Variants in DLGAP1 observed in about 807,000 individuals in gnomAD.
The protein encoded by DLGAP1 is DLG associated protein 1, also known as disks large-associated protein 1.
DLGAP1 carries 11 observed loss-of-function variants against 90.8 expected under a neutral mutation model. That is an observed-to-expected ratio of 0.12 (90% CI 0.08 to 0.20). The LOEUF (loss-of-function observed/expected upper bound fraction) is 0.20, where lower values mean the gene tolerates loss of function less well. Ranked by LOEUF, DLGAP1 falls within the 10% of genes least tolerant of loss-of-function variation. DLGAP1 has a pLI of 1.00. For synonymous variants in DLGAP1, 558 were observed against 540.7 expected, an observed-to-expected ratio of 1.03 and a Z score of -0.44; for missense variants, 1,050 against 1,333.8, an observed-to-expected ratio of 0.79 and a Z score of 3.31.
chr18:3,982,244 AG>A (rs1430280067), intron 3 of DLGAP1, among the ~76,000 whole-genome samples: 11 of 152,172 alleles, frequency 7.2e-5, no homozygotes, highest in Admixed American at 4.6e-4. Flanking sequence ...CTTGCTTTTC[AG>A]GATGCAGGTT....
At chr18:3,647,748 A>G (rs112881793) in intron 7 of DLGAP1, among the ~76,000 whole-genome samples, 27,718 of 151,754 alleles carry the variant, frequency 0.18, 2,643 homozygotes, top group Non-Finnish European at 0.19. Flanking sequence ...TACAGGTGTG[A>G]GCCACCACGC....
intron 5 of DLGAP1, among the ~76,000 whole-genome samples, chr18:3,769,702 T>C (rs893951580): frequency 4.0e-5 from 6 of 151,710 alleles, no homozygotes; most frequent in African/African-American, 1.5e-4. Context: ...AAGAAAGTGG[T>C]GGGGTTGGGA....
chr18:3,504,626 C>G (rs1439840455), intron 11 of DLGAP1, among the ~76,000 whole-genome samples: 2 of 152,090 alleles, frequency 1.3e-5, no homozygotes, highest in African/African-American at 4.8e-5. Flanking sequence ...CCACAAGATC[C>G]TCCTGCCTCG....
rs143158940 is a variant in DLGAP1 at position 3,610,314 on chromosome 18, T to C, written c.1592-28066A>G. On this transcript the variant is annotated intron_variant, in intron 7 of 12. Coordinates refer to ENST00000315677, the MANE Select transcript of DLGAP1 (RefSeq NM_004746.4). ...CAATGAAATAAACAGCTAGGCTTTT[T>C]CTGAGGCCCTCCGCCTATCCAGACC... 6.8e-3 allele frequency among the ~76,000 whole-genome samples: 1,043 copies of C among 152,286 alleles called. 9 individuals carry two copies. Among genetic ancestry groups the C allele is most frequent in the African/African-American group, 0.024 (1,005 of 41,550 alleles).
chr18:3,907,246 T>C (rs1258260648), intron 3 of DLGAP1, among the ~76,000 whole-genome samples: 2 of 152,192 alleles, frequency 1.3e-5, no homozygotes, highest in African/African-American at 2.4e-5. Context: ...CAGTAATATA[T>C]TCTACTCTAT....
At chr18:3,583,412 C>T (rs575729066) in intron 7 of DLGAP1, among the ~76,000 whole-genome samples, 53 of 152,108 alleles carry the variant, frequency 3.5e-4, no homozygotes, top group African/African-American at 1.2e-3. Flanking sequence ...TCCTTCTTCA[C>T]TTCCACCTTG....
intron 11 of DLGAP1, among the ~76,000 whole-genome samples, chr18:3,503,751 A>G (rs909908624): frequency 5.9e-5 from 9 of 152,264 alleles, no homozygotes; most frequent in Admixed American, 3.3e-4. Context: ...TGGATTGGAA[A>G]GACATTTTAA....
intron 5 of DLGAP1, among the ~76,000 whole-genome samples, chr18:3,794,310 A>G (rs2065880010): frequency 6.6e-6 from 1 of 152,248 alleles, no homozygotes; most frequent in South Asian, 2.1e-4. Flanking sequence ...TAGCTAGGAC[A>G]GAACATATAC....
chr18:4,299,052 G>A (rs12961591), intron 1 of DLGAP1, among the ~76,000 whole-genome samples: 1 of 140,876 alleles, frequency 7.1e-6, no homozygotes, highest in Non-Finnish European at 1.5e-5. Flanking sequence ...CTGCAGTCTA[G>A]CCTGGGCGAC....
chr18:4,068,481 G>T (rs2075402062), intron 2 of DLGAP1, among the ~76,000 whole-genome samples: 1 of 151,672 alleles, frequency 6.6e-6, no homozygotes, highest in Admixed American at 6.6e-5. Flanking sequence ...TTCTGATTTT[G>T]TGATATTTAA....
chr18:4,197,076 G>A (rs1372245512), intron 1 of DLGAP1, among the ~76,000 whole-genome samples: 2 of 151,416 alleles, frequency 1.3e-5, no homozygotes, highest in African/African-American at 4.9e-5. Flanking sequence ...GGGAGGCTGA[G>A]GCAGGAGAAT....
intron 4 of DLGAP1, among the ~76,000 whole-genome samples, chr18:3,825,997 C>T (rs1598898118): frequency 6.6e-6 from 1 of 152,236 alleles, no homozygotes; most frequent in East Asian, 1.9e-4. Context: ...CAGCTGGAAG[C>T]CATTATCCTA....
At chr18:3,706,170 G>T (rs1211422398) in intron 7 of DLGAP1, among the ~76,000 whole-genome samples, 1 of 151,328 alleles carries the variant, frequency 6.6e-6, no homozygotes, top group African/African-American at 2.4e-5. Context: ...TTAACTTTTT[G>T]TATTTTTAGT....
Position 3,596,263 on chromosome 18 carries a change from G to A in DLGAP1, c.1592-14015C>T, listed in dbSNP as rs539169119. 6.9e-4 allele frequency among the ~76,000 whole-genome samples: 105 copies of A among 152,058 alleles called. 1 individual carries two copies. Among genetic ancestry groups the A allele is most frequent in the African/African-American group, 2.2e-3 (93 of 41,468 alleles). The stretch of plus-strand genomic sequence containing the variant: ...CAACCTCCGCCTCCCAGGTTCAAAC[G>A]ATTCTCCTGCCTCAGCCTCTCGTGT... On this transcript the variant is annotated intron_variant, in intron 7 of 12. Coordinates refer to ENST00000315677, the MANE Select transcript of DLGAP1 (RefSeq NM_004746.4).
At chr18:4,307,668 C>T (rs1343275037) in intron 1 of DLGAP1, among the ~76,000 whole-genome samples, 3 of 151,670 alleles carry the variant, frequency 2.0e-5, no homozygotes, top group Admixed American at 1.3e-4. Flanking sequence ...CACTCTGCCC[C>T]GCCAGCACTC....
chr18:3,996,728 TGAGA>T (rs536665755), intron 3 of DLGAP1, among the ~76,000 whole-genome samples: 4 of 152,124 alleles, frequency 2.6e-5, no homozygotes, highest in East Asian at 1.9e-4. Flanking sequence ...CTGAATAAAC[TGAGA>T]GAATCAAGTT....
intron 10 of DLGAP1, among the ~76,000 whole-genome samples, chr18:3,512,279 A>G (rs1009839650): frequency 6.6e-6 from 1 of 152,178 alleles, no homozygotes; most frequent in Non-Finnish European, 1.5e-5. Context: ...TACATAAGTA[A>G]ATCTAGCCTC....
At chr18:3,968,018 T>C (rs1022375784) in intron 3 of DLGAP1, among the ~76,000 whole-genome samples, 1 of 152,172 alleles carries the variant, frequency 6.6e-6, no homozygotes, top group Non-Finnish European at 1.5e-5. Context: ...CAATAAATCA[T>C]CTTACTGCTT....
chr18:3,870,001 A>G (rs1477555262), intron 4 of DLGAP1, among the ~76,000 whole-genome samples: 1 of 152,256 alleles, frequency 6.6e-6, no homozygotes, highest in African/African-American at 2.4e-5. Context: ...GCAAGCCAGC[A>G]TCAATAAAGC....
Sources: allele counts gnomAD v4.1 joint callset (sites outside exome capture counted in the v4.1 genomes callset), GRCh38; gene constraint gnomAD v4.1.1; transcripts MANE v1.5; gene names NCBI Gene and HGNC (gene_info 2026-07-23, HGNC 2026-07-21).